COL22A1: variants seen among roughly 807,000 people sequenced by gnomAD.
The protein encoded by COL22A1 is collagen alpha-1(XXII) chain.
A neutral mutation model predicts 248.9 loss-of-function variants in COL22A1; 221 were observed. That is an observed-to-expected ratio of 0.89 (90% CI 0.80 to 0.99). The LOEUF (loss-of-function observed/expected upper bound fraction) is 0.99. Among genes scored for constraint, COL22A1 ranks in the 50% least tolerant of loss-of-function variants. COL22A1 has a pLI of 0.00. For synonymous variants in COL22A1, 891 were observed against 793.4 expected, an observed-to-expected ratio of 1.12 and a Z score of -2.07; for missense variants, 2,240 against 2,179.0, an observed-to-expected ratio of 1.03 and a Z score of -0.56.
chr8:138,711,109 G>A (rs1235815009), intron 30 of COL22A1, among the ~76,000 whole-genome samples: 1 of 152,154 alleles, frequency 6.6e-6, no homozygotes, highest in Non-Finnish European at 1.5e-5. Context: ...TTGGAAAAGA[G>A]GCTTGACTAA....
At chr8:138,821,111 C>T (rs1819080470) in intron 7 of COL22A1, 25 bp downstream of exon 7, 11 of 1,605,052 alleles carry the variant, frequency 6.9e-6, no homozygotes, top group Non-Finnish European at 8.5e-6. Context: ...GGAACCTGGG[C>T]TGCAGAAGGC....
At chr8:138,655,969 A>C (rs563932490) in intron 44 of COL22A1, 25 bp from the exon 45 acceptor site, 2 of 1,565,792 alleles carry the variant, frequency 1.3e-6, no homozygotes, top group Admixed American at 3.4e-5. Flanking sequence ...AGAAACAAAC[A>C]CATACGTACA....
intron 3 of COL22A1, among the ~76,000 whole-genome samples, chr8:138,853,420 T>A (rs117226779): frequency 6.6e-6 from 1 of 152,278 alleles, no homozygotes; most frequent in Non-Finnish European, 1.5e-5. Context: ...TCTTGGGAAG[T>A]TTCAGGAAAA....
At chr8:138,864,491 A>G (rs1041036025) in intron 3 of COL22A1, among the ~76,000 whole-genome samples, 1 of 152,092 alleles carries the variant, frequency 6.6e-6, no homozygotes, top group Middle Eastern at 3.2e-3. Context: ...GACTTTAAGG[A>G]GTCCAAGGAT....
At chr8:138,807,892 C>T (rs1817861767) in intron 9 of COL22A1, 80 bp from the exon 10 acceptor site, 24 of 1,413,896 alleles carry the variant, frequency 1.7e-5, no homozygotes, top group Middle Eastern at 3.6e-4. Context: ...TAATCCACCC[C>T]CACATGCTTA....
intron 3 of COL22A1, among the ~76,000 whole-genome samples, chr8:138,859,363 A>C (rs1822279264): frequency 6.6e-6 from 1 of 152,208 alleles, no homozygotes; most frequent in African/African-American, 2.4e-5. Context: ...GCAGATGGCA[A>C]GGCCAGGACC....
intron 3 of COL22A1, among the ~76,000 whole-genome samples, chr8:138,873,436 T>C (rs900103160): frequency 6.6e-6 from 1 of 152,176 alleles, no homozygotes; most frequent in Non-Finnish European, 1.5e-5. Context: ...GTCAGGCCAC[T>C]GCCCTTATTT....
At chr8:138,676,010 T>C (rs956655733) in intron 41 of COL22A1, among the ~76,000 whole-genome samples, 26 of 152,234 alleles carry the variant, frequency 1.7e-4, no homozygotes, top group Admixed American at 1.7e-3. Flanking sequence ...ACACACTTCA[T>C]TGATTCTTAA....
intron 5 of COL22A1, chr8:138,827,980 T>A (rs575133327): frequency 1.3e-5 from 2 of 151,506 alleles, no homozygotes; most frequent in Non-Finnish European, 2.9e-5. Flanking sequence ...GGAAACATCA[T>A]TGACATCACC....
At position 138,821,356 on chromosome 8, in the gene COL22A1, G is replaced by T; in HGVS notation, c.1025C>A (p.Ala342Asp). ...NKAVEYNAVG[A>D]MKDAVRVVFR... is the part of the protein sequence containing the mutation. Reference sequence around the variant, plus strand: ...GACCACCCTGACAGCATCTTTCATGGCACCCACAGCGTTGTACTCGACTGC... The same window carrying T: ...GACCACCCTGACAGCATCTTTCATGTCACCCACAGCGTTGTACTCGACTGC... Residue 342 changes from alanine (A) to aspartate (D), a missense_variant, in exon 7 of 65, where the codon GCC (alanine) becomes GAC (aspartate). Coordinates refer to ENST00000303045, the MANE Select transcript of COL22A1 (RefSeq NM_152888.3). The T allele has an allele frequency of 6.2e-7, 1 of 1,614,140 alleles. No individual in the cohort carries two copies.
At chr8:138,635,419 T>C (rs564791226) in intron 48 of COL22A1, among the ~76,000 whole-genome samples, 1 of 152,308 alleles carries the variant, frequency 6.6e-6, no homozygotes, top group South Asian at 2.1e-4. Flanking sequence ...CTTTATTCTT[T>C]AGATATGCTT....
chr8:138,852,509 C>A (rs1821719711), intron 3 of COL22A1, among the ~76,000 whole-genome samples: 1 of 152,132 alleles, frequency 6.6e-6, no homozygotes, highest in African/African-American at 2.4e-5. Flanking sequence ...GCTCAGCAAG[C>A]ATCTGGATCT....
chr8:138,606,512 G>C (rs549346455), intron 57 of COL22A1, 60 bp from the exon 58 acceptor site: 17 of 1,514,348 alleles, frequency 1.1e-5, no homozygotes, highest in Non-Finnish European at 1.5e-5. Context: ...AAGCAGATTT[G>C]GAAACCTTGT....
intron 60 of COL22A1, among the ~76,000 whole-genome samples, chr8:138,600,096 C>T (rs1817879574): frequency 6.6e-6 from 1 of 152,246 alleles, no homozygotes; most frequent in South Asian, 2.1e-4. Flanking sequence ...TCTCTCCCCA[C>T]AGCTGACCCA....
intron 24 of COL22A1, 42 bp downstream of exon 24, chr8:138,725,340 GAAACC>G: frequency 1.3e-6 from 2 of 1,592,948 alleles, no homozygotes; most frequent in Non-Finnish European, 1.7e-6. Flanking sequence ...CACAGGCCAG[GAAACC>G]ACCATCTAAG....
intron 25 of COL22A1, among the ~76,000 whole-genome samples, chr8:138,722,577 G>A (rs766101124): frequency 2.0e-5 from 3 of 152,060 alleles, no homozygotes; most frequent in Non-Finnish European, 2.9e-5. Flanking sequence ...CTGTTATTTC[G>A]AATGCCAGCA....
At chr8:138,787,916 A>T (rs1815683154) in intron 12 of COL22A1, among the ~76,000 whole-genome samples, 1 of 152,202 alleles carries the variant, frequency 6.6e-6, no homozygotes, top group Admixed American at 6.5e-5. Context: ...CTTTTACCTC[A>T]TCAAGTAAGA....
chr8:138,638,614 A>T (rs2130402873), intron 47 of COL22A1, among the ~76,000 whole-genome samples: 1 of 152,274 alleles, frequency 6.6e-6, no homozygotes, highest in South Asian at 2.1e-4. Flanking sequence ...GAAGTGCTAA[A>T]TATCATTGTT....
intron 4 of COL22A1, among the ~76,000 whole-genome samples, chr8:138,837,657 A>G (rs1391467691): frequency 6.6e-6 from 1 of 152,006 alleles, no homozygotes; most frequent in Non-Finnish European, 1.5e-5. Flanking sequence ...CTGTGTCTGG[A>G]AGTGTCCTGG....
Sources: allele counts gnomAD v4.1 joint callset (sites outside exome capture counted in the v4.1 genomes callset), GRCh38; gene constraint gnomAD v4.1.1; transcripts MANE v1.5; gene names NCBI Gene and HGNC (gene_info 2026-07-23, HGNC 2026-07-21).